VCAN: variants seen among roughly 807,000 people sequenced by gnomAD.
The protein encoded by VCAN is versican core protein.
VCAN carries 44 observed loss-of-function variants against 245.5 expected under a neutral mutation model. The ratio of observed to expected loss-of-function variants is 0.18; its 90% confidence interval spans 0.14 to 0.23. The LOEUF (loss-of-function observed/expected upper bound fraction) is 0.23, where lower values mean the gene tolerates loss of function less well. VCAN is among the 10% of genes least tolerant of loss of function. The pLI is 1.00. For synonymous variants in VCAN, 1,413 were observed against 1,437.0 expected (o/e 0.98, Z 0.38); for missense variants, 3,793 against 4,057.9 (o/e 0.93, Z 1.77).
intron 2 of VCAN, 70 bp downstream of exon 2, chr5:83,483,658 A>G: frequency 1.5e-6 from 2 of 1,354,316 alleles, no homozygotes; most frequent in South Asian, 1.2e-5. Context: ...TGAAATGGCA[A>G]TGTGGAATCA....
intron 10 of VCAN, among the ~76,000 whole-genome samples, chr5:83,550,661 C>A (rs968454627): frequency 1.3e-5 from 2 of 151,716 alleles, no homozygotes; most frequent in African/African-American, 2.4e-5. Flanking sequence ...TCAAGGCGGG[C>A]GGATCACCTG....
At chr5:83,483,248 A>G (rs1470787190) in intron 1 of VCAN, among the ~76,000 whole-genome samples, 1 of 152,180 alleles carries the variant, frequency 6.6e-6, no homozygotes, top group Non-Finnish European at 1.5e-5. Flanking sequence ...CCACATTGTT[A>G]TATGTTCCCA....
chr5:83,573,074 A>AT (rs1561276725), intron 13 of VCAN, among the ~76,000 whole-genome samples: 1 of 151,356 alleles, frequency 6.6e-6, no homozygotes, highest in Non-Finnish European at 1.5e-5. Context: ...TAATTTTTGT[A>AT]TTTTTAGTAG....
Position 83,521,280 on chromosome 5 carries a change from T to A in VCAN, c.2974T>A (p.Ser992Thr). 3 of 1,614,092 alleles carry A rather than the reference T, an allele frequency of 1.9e-6. No homozygotes were observed. Among genetic ancestry groups the A allele is most frequent in the Middle Eastern group, 1.6e-4 (1 of 6,062 alleles). ...GGGAGTGTTAGTACCTTCTGTTCCA[T>A]CAGAAGATGAAGTTCTAGGTGAACC... The part of the protein sequence containing the change: ...DWGVLVPSVP[S>T]EDEVLGEPSQ... Residue 992 changes from serine to threonine, a missense_variant, in exon 7 of 15, where the codon TCA becomes ACA. By Grantham distance (58) the Ser-to-Thr change is moderately conservative. Coordinates refer to ENST00000265077, the MANE Select transcript of VCAN (RefSeq NM_004385.5).
intron 5 of VCAN, among the ~76,000 whole-genome samples, chr5:83,499,001 A>T (rs1745251264): frequency 6.6e-6 from 1 of 151,944 alleles, no homozygotes; most frequent in South Asian, 2.1e-4. Context: ...ATGTGACCCC[A>T]CACACGTGCA....
At position 83,545,591 on chromosome 5, in the gene VCAN, C is replaced by A; in HGVS notation, c.9320C>A (p.Thr3107Asn). The A allele has an allele frequency of 6.2e-7, 1 of 1,614,154 alleles. No homozygotes were observed. Among genetic ancestry groups the A allele is most frequent in the Non-Finnish European group, 8.5e-7 (1 of 1,180,004 alleles). ...CTTAACGGAGGCACCTGTTATCCTA[C>A]TGAAACTTCCTACGTATGCACCTGT... The part of the protein sequence containing the change: ...PCLNGGTCYP[T>N]ETSYVCTCVP... Residue 3107 changes from threonine to asparagine, a missense_variant, in exon 9 of 15, where the codon ACT becomes AAT. This residue lies in a region of VCAN where 3,182 missense variants were observed against 3,250.3 expected (regional missense o/e 0.98). Transcript: ENST00000265077.
rs1258566799 is a variant in VCAN at position 83,520,918 on chromosome 5, A to C, written c.2612A>C (p.Glu871Ala). ...TQKQLEEVTD[E>A]DIAAHGKFTI... Reference sequence around the variant, plus strand: ...AAGCAGTTAGAGGAGGTTACTGATGAAGACATAGCAGCCCATGGAAAATTC... The same window carrying C: ...AAGCAGTTAGAGGAGGTTACTGATGCAGACATAGCAGCCCATGGAAAATTC... Residue 871 changes from glutamate (E) to alanine (A), a missense_variant, in exon 7 of 15, where the codon GAA (glutamate) becomes GCA (alanine). Coordinates refer to ENST00000265077, the MANE Select transcript of VCAN (RefSeq NM_004385.5). The C allele has an allele frequency of 6.2e-7, 1 of 1,614,052 alleles. No individual in the cohort carries two copies. The highest frequency in any genetic ancestry group is 8.5e-7 in the Non-Finnish European group (1 of 1,180,012).
At chr5:83,548,154 A>T (rs1747307973) in intron 10 of VCAN, 70 bp downstream of exon 10, 1 of 1,150,968 alleles carries the variant, frequency 8.7e-7, no homozygotes, top group Admixed American at 1.7e-5. Context: ...GCCTCAATGC[A>T]TAATCTTTCC....
In VCAN at chr5:83,541,566, G is replaced by A. The variant is rs746413516; in HGVS notation, c.8563G>A (p.Gly2855Ser). The change falls in exon 8 of 15, where the codon GGC becomes AGC. Residue 2855 changes from glycine (G) to serine (S), a missense_variant. This residue lies in a region of VCAN where 3,182 missense variants were observed against 3,250.3 expected (regional missense o/e 0.98). Coordinates refer to ENST00000265077, the MANE Select transcript of VCAN (RefSeq NM_004385.5). ...CAGTGCTCTGCCAGGAATAGACGTCGGCTCATCTGTAATGTCCCCACAGGA... is the reference window on the plus strand; with the variant it reads ...CAGTGCTCTGCCAGGAATAGACGTCAGCTCATCTGTAATGTCCCCACAGGA... ...QPSALPGIDV[G>S]SSVMSPQDSF... The A allele has an allele frequency of 9.9e-6, 16 of 1,613,786 alleles. No homozygotes were observed. The highest frequency in any genetic ancestry group is 1.7e-4 in the Middle Eastern group (1 of 6,060).
In VCAN at chr5:83,522,004, C is replaced by T; in HGVS notation, c.3698C>T (p.Pro1233Leu). The change falls in exon 7 of 15, where the codon CCA becomes CTA. Residue 1233 changes from proline (P) to leucine (L), a missense_variant. This residue lies in a region of VCAN where 3,182 missense variants were observed against 3,250.3 expected (regional missense o/e 0.98). Transcript: ENST00000265077. ...FKPSSAITKK[P>L]PLIDREPGEE... ...CCATCTTCCGCGATCACTAAGAAAC[C>T]ACCTCTCATCGACAGGGAACCTGGT... 1 of 1,614,160 alleles carries T rather than the reference C, an allele frequency of 6.2e-7. No individual in the cohort carries two copies. The highest frequency in any genetic ancestry group is 1.1e-5 in the South Asian group (1 of 91,074).
chr5:83,566,857 C>A (rs972735549), intron 12 of VCAN, among the ~76,000 whole-genome samples: 1 of 152,072 alleles, frequency 6.6e-6, no homozygotes, highest in Non-Finnish European at 1.5e-5. Context: ...ACAAAATAAT[C>A]GAAACATTTA....
Position 83,503,286 on chromosome 5 carries a change from A to G in VCAN, c.749-8817A>G, listed in dbSNP as rs191803188. On this transcript the variant is annotated intron_variant, in intron 5 of 14. Coordinates refer to ENST00000265077, the MANE Select transcript of VCAN (RefSeq NM_004385.5). ...AAAAAGCTTAAAAGTCCAACATTTC[A>G]AAGCTAATCATTTTGTTGAATTGTT... 4.4e-3 allele frequency among the ~76,000 whole-genome samples: 670 copies of G among 152,322 alleles called. 3 individuals are homozygous for G. Among genetic ancestry groups the G allele is most frequent in the Non-Finnish European group, 6.9e-3 (470 of 68,010 alleles).
intron 13 of VCAN, among the ~76,000 whole-genome samples, chr5:83,579,231 T>A (rs191289381): frequency 2.1e-5 from 3 of 145,318 alleles, no homozygotes; most frequent in Non-Finnish European, 4.5e-5. Context: ...GATTGTAAGG[T>A]TTTTTGTTTG....
At chr5:83,529,644 A>G (rs1746444160) in intron 7 of VCAN, among the ~76,000 whole-genome samples, 1 of 152,086 alleles carries the variant, frequency 6.6e-6, no homozygotes, top group Admixed American at 6.6e-5. Context: ...TTGGTCTTGT[A>G]TAAATTACTT....
intron 3 of VCAN, among the ~76,000 whole-genome samples, chr5:83,492,259 T>C (rs902064600): frequency 6.6e-6 from 1 of 152,190 alleles, no homozygotes; most frequent in African/African-American, 2.4e-5. Flanking sequence ...GACAGTCTTA[T>C]AACTAGAAGT....
At chr5:83,496,366 A>G (rs1745162001) in intron 5 of VCAN, among the ~76,000 whole-genome samples, 1 of 152,252 alleles carries the variant, frequency 6.6e-6, no homozygotes, top group African/African-American at 2.4e-5. Flanking sequence ...ATAAATCTAC[A>G]TACTTGGTGA....
At chr5:83,533,665 T>C (rs1480947040) in intron 7 of VCAN, among the ~76,000 whole-genome samples, 1 of 152,150 alleles carries the variant, frequency 6.6e-6, no homozygotes, top group Non-Finnish European at 1.5e-5. Flanking sequence ...AAAGATTCTG[T>C]CTCTGAAATG....
rs190277696 is a variant in VCAN, at chr5:83,575,484, A to G, written c.9880+2924A>G. Among the ~76,000 whole-genome samples the G allele has an allele frequency of 2.1e-3, 317 of 152,272 alleles. 1 individual carries two copies. Among genetic ancestry groups the G allele is most frequent in the African/African-American group, 7.3e-3 (302 of 41,560 alleles). On this transcript the variant is annotated intron_variant, in intron 13 of 14. Transcript: ENST00000265077. ...CTCTTATGTCTCCAATGGTCCCTGG[A>G]GTCATACTTTTCATTTTATGATTTA...
At position 83,478,783 on chromosome 5, in the gene VCAN, G is replaced by A. The variant is rs538213867; in HGVS notation, c.-6-4730G>A. Among the ~76,000 whole-genome samples, 5 of 152,270 alleles carry A rather than the reference G, an allele frequency of 3.3e-5. No homozygotes were observed. The East Asian group carries it at 7.7e-4, about 23-fold the overall frequency. On this transcript the variant is annotated intron_variant, in intron 1 of 14. Coordinates refer to ENST00000265077, the MANE Select transcript of VCAN (RefSeq NM_004385.5). ...AACAAATATTTACTGAGTGTTCTAGGCATTGTGGATACAGGAGTGAACAAA... is the reference window on the plus strand; with the variant it reads ...AACAAATATTTACTGAGTGTTCTAGACATTGTGGATACAGGAGTGAACAAA...
Sources: allele counts gnomAD v4.1 joint callset (sites outside exome capture counted in the v4.1 genomes callset), GRCh38; gene constraint gnomAD v4.1.1; regional missense constraint gnomAD v4.1.1; transcripts MANE v1.5; gene names NCBI Gene and HGNC (gene_info 2026-07-23, HGNC 2026-07-21).